ATF7IP: variants seen among roughly 807,000 people sequenced by gnomAD.
The protein encoded by ATF7IP is activating transcription factor 7 interacting protein, also known as activating transcription factor 7-interacting protein 1.
In ATF7IP, 23 loss-of-function variants were observed where a neutral mutation model predicts 106.4. That is an observed-to-expected ratio of 0.22 (90% CI 0.16 to 0.31). The LOEUF (loss-of-function observed/expected upper bound fraction) is 0.31, where lower values mean the gene tolerates loss of function less well. Ranked by LOEUF, ATF7IP falls within the 10% of genes least tolerant of loss-of-function variation. The pLI is 1.00. For missense variants in ATF7IP, 1,334 were observed against 1,524.3 expected (o/e 0.88, Z 2.08); for synonymous variants, 542 against 539.0 (o/e 1.01, Z -0.08).
intron 13 of ATF7IP, 141 bp from the exon 14 acceptor site, chr12:14,496,090 A>C: frequency 1.7e-6 from 1 of 594,892 alleles, no homozygotes; most frequent in Non-Finnish European, 3.0e-6. Context: ...GCTGAATACG[A>C]ACAGGACCTC....
At chr12:14,415,154 G>C (rs182401134) in intron 1 of ATF7IP, among the ~76,000 whole-genome samples, 3 of 152,284 alleles carry the variant, frequency 2.0e-5, no homozygotes, top group Non-Finnish European at 4.4e-5. Flanking sequence ...GGATAGTAGA[G>C]TTTGGCAAGC....
chr12:14,488,930 A>C (rs994688602), intron 13 of ATF7IP, among the ~76,000 whole-genome samples: 1 of 152,254 alleles, frequency 6.6e-6, no homozygotes, highest in African/African-American at 2.4e-5. Context: ...TGTTTTTAGC[A>C]AAAGAAGGAG....
At chr12:14,476,221 G>A (rs1293287454) in intron 11 of ATF7IP, 8 of 319,262 alleles carry the variant, frequency 2.5e-5, no homozygotes, top group South Asian at 1.2e-4. Flanking sequence ...AGACCAGCCC[G>A]GGCAATGCGG....
intron 5 of ATF7IP, among the ~76,000 whole-genome samples, chr12:14,443,822 C>T (rs1392182054): frequency 1.3e-5 from 2 of 152,066 alleles, no homozygotes; most frequent in African/African-American, 2.4e-5. Flanking sequence ...AATATAGCAA[C>T]TACCTCATAT....
At chr12:14,463,674 G>C (rs552826613) in intron 9 of ATF7IP, among the ~76,000 whole-genome samples, 3 of 152,240 alleles carry the variant, frequency 2.0e-5, no homozygotes, top group African/African-American at 7.2e-5. Context: ...ATGAACCCTG[G>C]TTACAGTATG....
chr12:14,437,807 A>C (rs1476211721), intron 4 of ATF7IP, among the ~76,000 whole-genome samples: 1 of 152,096 alleles, frequency 6.6e-6, no homozygotes, highest in Non-Finnish European at 1.5e-5. Flanking sequence ...TAATCCCAGC[A>C]CTTTGGGAGG....
Position 14,478,322 on chromosome 12 carries a change from A to G in ATF7IP, c.2947A>G (p.Lys983Glu). 3 of 1,613,708 alleles carry G rather than the reference A, an allele frequency of 1.9e-6. No individual in the cohort carries two copies. Among genetic ancestry groups the G allele is most frequent in the Non-Finnish European group, 2.5e-6 (3 of 1,179,704 alleles). ...ATTTCACTTTTAACTAACAGACCCC[A>G]AAAAACTAAATCACACTCCTGTATC... ...DEESGASQDP[K>E]KLNHTPVSTM... Residue 983 changes from lysine (K) to glutamate (E), a missense_variant, in exon 12 of 15, where the codon AAA becomes GAA. Physicochemically the swap from Lys to Glu is moderately conservative, Grantham distance 56. Around this residue, in one of 10 missense-constraint regions of ATF7IP, gnomAD observed 370 missense variants for 401.2 expected, o/e 0.92. Transcript: ENST00000261168.
intron 2 of ATF7IP, among the ~76,000 whole-genome samples, chr12:14,428,775 A>G (rs1292016796): frequency 6.6e-6 from 1 of 152,228 alleles, no homozygotes. Context: ...GATGTGTATC[A>G]GCAGCAACAA....
rs4479040 is a variant in ATF7IP at position 14,438,286 on chromosome 12, G to A, written c.1929+19G>A. ...ACTACAGGTTTGTACATTGACTTGA[G>A]TTGTATACTCCATGTGTCATTGTTT... On this transcript the variant is annotated intron_variant, in intron 5 of 14. Transcript: ENST00000261168. The A allele has an allele frequency of 0.52, 829,833 of 1,598,690 alleles. 218,260 individuals carry two copies. Among genetic ancestry groups the A allele is most frequent in the African/African-American group, 0.66 (48,958 of 74,492 alleles).
At chr12:14,396,977 A>G (rs1012611023) in intron 1 of ATF7IP, among the ~76,000 whole-genome samples, 16 of 152,176 alleles carry the variant, frequency 1.1e-4, no homozygotes, top group African/African-American at 3.6e-4. Flanking sequence ...CCTGACTAAC[A>G]TGGTGAAACC....
chr12:14,491,196 C>G (rs1055623139), intron 13 of ATF7IP, among the ~76,000 whole-genome samples: 5 of 152,180 alleles, frequency 3.3e-5, no homozygotes, highest in African/African-American at 1.2e-4. Flanking sequence ...TTCTCCTGTT[C>G]TGGACCACAC....
At position 14,434,408 on chromosome 12, in the gene ATF7IP, A is replaced by G; in HGVS notation, c.1630A>G (p.Arg544Gly). Residue 544 changes from arginine (R) to glycine (G), a missense_variant, in exon 3 of 15, where the codon AGA (arginine) becomes GGA (glycine). By Grantham distance (125) the Arg-to-Gly change is moderately radical (BLOSUM62 -2). This residue lies in a region of ATF7IP where 119 missense variants were observed against 117.8 expected (regional missense o/e 1.01). Coordinates refer to ENST00000261168, the MANE Select transcript of ATF7IP (RefSeq NM_018179.5). Reference protein sequence around the residue: ...EEQVIHEDDERPSEKNEFSRR... With the variant: ...EEQVIHEDDEGPSEKNEFSRR... ...GCAAGTAATACATGAAGATGATGAA[A>G]GACCTTCTGAGAAAAGTATGCATGT... 1.9e-6 allele frequency: 3 copies of G among 1,574,338 alleles called. No homozygotes were observed. Among genetic ancestry groups the G allele is most frequent in the Non-Finnish European group, 2.6e-6 (3 of 1,147,148 alleles).
intron 13 of ATF7IP, among the ~76,000 whole-genome samples, chr12:14,494,305 A>ATATATATATATG (rs2136869561): frequency 1.2e-5 from 1 of 85,484 alleles, no homozygotes; most frequent in East Asian, 3.0e-4. Flanking sequence ...ATATATATAT[A>ATATATATATATG]TATATATATA....
Position 14,424,032 on chromosome 12 carries a change from T to C in ATF7IP, c.117T>C (p.Thr39=). Residue 39 remains threonine, a synonymous_variant, in exon 2 of 15, where the codon ACT becomes ACC. Transcript: ENST00000261168. Reference sequence around the variant, plus strand: ...AGGTCAAAGAAGAACTGTTGAAAACTGATGTCAAGCTGTTAAATGGCAACC... The same window carrying C: ...AGGTCAAAGAAGAACTGTTGAAAACCGATGTCAAGCTGTTAAATGGCAACC... ...VYKVKEELLK[T]DVKLLNGNHE... is the part of the protein sequence containing the mutation. 2 of 1,614,094 alleles carry C rather than the reference T, an allele frequency of 1.2e-6. No individual in the cohort carries two copies. The highest frequency in any genetic ancestry group is 2.2e-5 in the South Asian group (2 of 91,080).
At chr12:14,439,840 A>C (rs1447360863) in intron 5 of ATF7IP, among the ~76,000 whole-genome samples, 1 of 148,490 alleles carries the variant, frequency 6.7e-6, no homozygotes, top group African/African-American at 2.5e-5. Flanking sequence ...CTCCAAAATA[A>C]ATCCATCCAT....
chr12:14,367,048 G>A (rs371622480), intron 1 of ATF7IP, among the ~76,000 whole-genome samples: 5 of 152,092 alleles, frequency 3.3e-5, no homozygotes, highest in African/African-American at 1.2e-4. Flanking sequence ...TATAAGATTT[G>A]ATATGATTCT....
rs533166864 is a variant in ATF7IP at position 14,418,059 on chromosome 12, A to C, written c.-7-5850A>C. ...GGTGGAGGGGGATGAAGCAGAGAAG[A>C]GAGTAATGTTTTCATTTAAAGAAGA... On this transcript the variant is annotated intron_variant, in intron 1 of 14. Transcript: ENST00000261168. Among the ~76,000 whole-genome samples, 485 of 152,258 alleles carry C rather than the reference A, an allele frequency of 3.2e-3. 9 individuals carry two copies. The highest frequency in any genetic ancestry group is 0.02 in the Middle Eastern group (6 of 294).
At chr12:14,488,136 C>T (rs1944687408) in intron 13 of ATF7IP, among the ~76,000 whole-genome samples, 1 of 152,058 alleles carries the variant, frequency 6.6e-6, no homozygotes, top group African/African-American at 2.4e-5. Context: ...ACCCCCAATC[C>T]TGGTACCAAA....
At chr12:14,428,515 C>T (rs2417349) in intron 2 of ATF7IP, among the ~76,000 whole-genome samples, 63,850 of 151,950 alleles carry the variant, frequency 0.42, 13,618 homozygotes, top group Admixed American at 0.51. Flanking sequence ...TATATGGCGA[C>T]AGAATCTGTT....
Sources: allele counts gnomAD v4.1 joint callset (sites outside exome capture counted in the v4.1 genomes callset), GRCh38; gene constraint gnomAD v4.1.1; regional missense constraint gnomAD v4.1.1; transcripts MANE v1.5; gene names NCBI Gene and HGNC (gene_info 2026-07-23, HGNC 2026-07-21).